Variants in ZNF804B observed in about 807,000 individuals in gnomAD.
ZNF804B encodes zinc finger 804B.
In ZNF804B, 80 loss-of-function variants were observed where a neutral mutation model predicts 101.4. That is an observed-to-expected ratio of 0.79 (90% CI 0.66 to 0.95). The LOEUF (loss-of-function observed/expected upper bound fraction) is 0.95. Ranked by LOEUF, ZNF804B falls within the 40% of genes least tolerant of loss-of-function variation. ZNF804B has a pLI of 0.00. For synonymous variants in ZNF804B, 622 were observed against 558.8 expected (o/e 1.11, Z -1.59); for missense variants, 1,673 against 1,561.9 (o/e 1.07, Z -1.20).
intron 1 of ZNF804B, among the ~76,000 whole-genome samples, chr7:88,935,538 T>C (rs1422485435): frequency 1.3e-5 from 2 of 151,644 alleles, no homozygotes; most frequent in African/African-American, 4.8e-5. Flanking sequence ...TATTAATTTT[T>C]TTTTAATAAA....
chr7:88,771,529 GA>G (rs760710048), intron 1 of ZNF804B, among the ~76,000 whole-genome samples: 1 of 152,018 alleles, frequency 6.6e-6, no homozygotes, highest in Non-Finnish European at 1.5e-5. Flanking sequence ...GCAAACTATT[GA>G]AATAAAGCCC....
chr7:89,221,361 A>G (rs141054674), intron 2 of ZNF804B, among the ~76,000 whole-genome samples: 2 of 152,162 alleles, frequency 1.3e-5, no homozygotes, highest in African/African-American at 2.4e-5. Context: ...ATTTGGAGAA[A>G]TAAAAGACCA....
At chr7:89,287,522 T>A (rs1461678090) in intron 2 of ZNF804B, among the ~76,000 whole-genome samples, 1 of 152,136 alleles carries the variant, frequency 6.6e-6, no homozygotes, top group Non-Finnish European at 1.5e-5. Flanking sequence ...TAATAGTAAA[T>A]TTCTGGACTA....
chr7:88,818,461 G>A (rs1288655213), intron 1 of ZNF804B, among the ~76,000 whole-genome samples: 1 of 152,018 alleles, frequency 6.6e-6, no homozygotes, highest in African/African-American at 2.4e-5. Flanking sequence ...ATACCGTTAT[G>A]ATGCACATGA....
intron 2 of ZNF804B, among the ~76,000 whole-genome samples, chr7:89,319,038 G>T (rs1032946743): frequency 1.3e-5 from 2 of 152,142 alleles, no homozygotes; most frequent in Non-Finnish European, 2.9e-5. Flanking sequence ...GACACAGATC[G>T]CTCATGCTAA....
rs1562904477 is a variant in ZNF804B, at chr7:89,171,334, CTT to C, written c.109-46820_109-46819del. Among the ~76,000 whole-genome samples, 198 of 130,552 alleles carry C rather than the reference CTT, an allele frequency of 1.5e-3. 5 individuals carry two copies. Among genetic ancestry groups the C allele is most frequent in the African/African-American group, 5.5e-3 (192 of 35,182 alleles). The allele number at this position is 130,552 out of a possible 152,430, so 85.6% of individuals were successfully genotyped here. On this transcript the variant is annotated intron_variant, in intron 1 of 3. Transcript: ENST00000333190. ...TCTTCTTCTTCTTCTTCTTCTTCTTCTTCTTCTTCTTCTTCTTCTTCTTCCTC... is the reference window on the plus strand; with the variant it reads ...TCTTCTTCTTCTTCTTCTTCTTCTTCCTTCTTCTTCTTCTTCTTCTTCCTC...
At chr7:89,291,381 A>G (rs1286877886) in intron 2 of ZNF804B, among the ~76,000 whole-genome samples, 6 of 152,238 alleles carry the variant, frequency 3.9e-5, no homozygotes, top group African/African-American at 1.4e-4. Context: ...AGACATTCAT[A>G]ACACAGAGAA....
At chr7:88,873,774 A>G (rs955119562) in intron 1 of ZNF804B, among the ~76,000 whole-genome samples, 5 of 152,184 alleles carry the variant, frequency 3.3e-5, no homozygotes, top group Non-Finnish European at 5.9e-5. Flanking sequence ...AAGATCAGAT[A>G]GTCATAGATA....
intron 1 of ZNF804B, among the ~76,000 whole-genome samples, chr7:88,937,648 T>C (rs1350517593): frequency 7.9e-5 from 12 of 151,528 alleles, no homozygotes; most frequent in Admixed American, 7.9e-4. Flanking sequence ...ATAAATAATC[T>C]AATTTCTTGT....
At chr7:89,193,003 T>C (rs954342874) in intron 1 of ZNF804B, among the ~76,000 whole-genome samples, 1 of 152,050 alleles carries the variant, frequency 6.6e-6, no homozygotes, top group Non-Finnish European at 1.5e-5. Flanking sequence ...TGCCTTAAAA[T>C]AATAAGAGCC....
chr7:88,946,769 T>A (rs1351608652), intron 1 of ZNF804B, among the ~76,000 whole-genome samples: 1 of 151,968 alleles, frequency 6.6e-6, no homozygotes, highest in African/African-American at 2.4e-5. Context: ...AATTACTGCC[T>A]CAATTTCAGA....
chr7:88,909,239 A>G (rs1792514660), intron 1 of ZNF804B, among the ~76,000 whole-genome samples: 1 of 151,870 alleles, frequency 6.6e-6, no homozygotes, highest in Non-Finnish European at 1.5e-5. Context: ...AATTTAAAAC[A>G]TGTTCATCTT....
chr7:89,011,920 G>C (rs571273795), intron 1 of ZNF804B, among the ~76,000 whole-genome samples: 28 of 152,194 alleles, frequency 1.8e-4, no homozygotes, highest in Admixed American at 1.7e-3. Context: ...ACACTGTGGG[G>C]GATCAAACCC....
chr7:89,204,476 C>T (rs1478480512), intron 1 of ZNF804B, among the ~76,000 whole-genome samples: 2 of 152,184 alleles, frequency 1.3e-5, no homozygotes, highest in African/African-American at 2.4e-5. Flanking sequence ...CAAAATCTTT[C>T]TTCCAATCAT....
At chr7:89,088,226 A>G (rs1789835116) in intron 1 of ZNF804B, among the ~76,000 whole-genome samples, 1 of 152,042 alleles carries the variant, frequency 6.6e-6, no homozygotes, top group Admixed American at 6.6e-5. Context: ...ATAAGGCCAA[A>G]CTGAAAGGTG....
In ZNF804B at chr7:88,869,930, A is replaced by G. The variant is rs896333380; in HGVS notation, c.108+109846A>G. Among the ~76,000 whole-genome samples, 7 of 152,348 alleles carry G rather than the reference A, an allele frequency of 4.6e-5. No individual in the cohort carries two copies. In the South Asian group the frequency reaches 8.3e-4, roughly 18 times the overall value. The stretch of plus-strand genomic sequence containing the variant: ...GCCAGAGGTCAGCTGCAGATAAATT[A>G]GTAAAACCAGCCTAGCAATTTTAAG... On this transcript the variant is annotated intron_variant, in intron 1 of 3. Transcript: ENST00000333190.
intron 2 of ZNF804B, among the ~76,000 whole-genome samples, chr7:89,309,060 G>A (rs1790610956): frequency 6.6e-6 from 1 of 152,092 alleles, no homozygotes; most frequent in Non-Finnish European, 1.5e-5. Context: ...CTGATACTGA[G>A]GTTTAGGTTT....
At chr7:89,087,445 G>A (rs1789821728) in intron 1 of ZNF804B, among the ~76,000 whole-genome samples, 1 of 151,736 alleles carries the variant, frequency 6.6e-6, no homozygotes, top group South Asian at 2.1e-4. Context: ...ATGTAGAAAA[G>A]GAATACATAA....
chr7:89,087,374 G>T (rs1789820901), intron 1 of ZNF804B, among the ~76,000 whole-genome samples: 1 of 151,826 alleles, frequency 6.6e-6, no homozygotes. Context: ...TACTAAATGT[G>T]CTTATGAGAT....
Sources: gnomAD v4.1 joint callset for allele counts (sites outside exome capture counted in the v4.1 genomes callset) on GRCh38, gnomAD v4.1.1 for gene constraint, MANE v1.5 for transcripts, NCBI Gene and HGNC (gene_info 2026-07-23, HGNC 2026-07-21) for gene names.